The following CLASP1 variants were observed in gnomAD, a reference collection of about 807,000 sequenced individuals.
The protein encoded by CLASP1 is CLIP-associating protein 1.
CLASP1 carries 38 observed loss-of-function variants against 192.3 expected under a neutral mutation model. The observed-to-expected ratio is 0.20, with a 90% CI of 0.15 to 0.26. The LOEUF (loss-of-function observed/expected upper bound fraction) is 0.26, where lower values mean the gene tolerates loss of function less well. CLASP1 is among the 10% of genes least tolerant of loss of function. CLASP1 has a pLI of 1.00. For synonymous variants in CLASP1, 691 were observed against 712.8 expected, an observed-to-expected ratio of 0.97 and a Z score of 0.49; for missense variants, 1,433 against 1,932.5, an observed-to-expected ratio of 0.74 and a Z score of 4.85.
chr2:121,630,165 C>T (rs2069223686), intron 1 of CLASP1, among the ~76,000 whole-genome samples: 1 of 151,694 alleles, frequency 6.6e-6, no homozygotes, highest in African/African-American at 2.4e-5. Context: ...AGCGATCCAC[C>T]CGCCTCCGCC....
At chr2:121,503,386 C>T (rs142735326) in intron 7 of CLASP1, among the ~76,000 whole-genome samples, 152 bp from the exon 8 acceptor site, 30 of 152,300 alleles carry the variant, frequency 2.0e-4, no homozygotes, top group Admixed American at 9.2e-4. Flanking sequence ...CAATCAATAA[C>T]ATTAACAATA....
chr2:121,552,694 C>A (rs189167275), intron 2 of CLASP1, among the ~76,000 whole-genome samples: 120 of 152,264 alleles, frequency 7.9e-4, no homozygotes, highest in Middle Eastern at 3.4e-3. Context: ...AAGTAACAGA[C>A]GCTGGTGAGG....
intron 2 of CLASP1, among the ~76,000 whole-genome samples, chr2:121,595,294 G>A (rs1359609174): frequency 6.6e-6 from 1 of 152,166 alleles, no homozygotes; most frequent in Non-Finnish European, 1.5e-5. Flanking sequence ...AATAATCACA[G>A]GGCTTATCAT....
intron 9 of CLASP1, among the ~76,000 whole-genome samples, chr2:121,465,004 T>C (rs1371148833): frequency 6.6e-6 from 1 of 152,196 alleles, no homozygotes; most frequent in Non-Finnish European, 1.5e-5. Flanking sequence ...AAATTAGGTA[T>C]TGATGGGACG....
chr2:121,585,050 C>A (rs755898507), intron 2 of CLASP1, among the ~76,000 whole-genome samples: 1 of 152,198 alleles, frequency 6.6e-6, no homozygotes, highest in Admixed American at 6.5e-5. Context: ...CTCACGACAA[C>A]CCTATGGATC....
At chr2:121,648,028 T>C (rs186166394) in intron 1 of CLASP1, among the ~76,000 whole-genome samples, 1 of 152,220 alleles carries the variant, frequency 6.6e-6, no homozygotes, top group Non-Finnish European at 1.5e-5. Flanking sequence ...AAAATTTAAA[T>C]TTCTTAACAA....
At chr2:121,605,251 G>A (rs1379850402) in intron 2 of CLASP1, among the ~76,000 whole-genome samples, 1 of 151,828 alleles carries the variant, frequency 6.6e-6, no homozygotes, top group African/African-American at 2.4e-5. Flanking sequence ...CCAGGTACCT[G>A]GGCCAGCTTC....
At chr2:121,617,719 C>T (rs1362766711) in intron 1 of CLASP1, among the ~76,000 whole-genome samples, 1 of 152,190 alleles carries the variant, frequency 6.6e-6, no homozygotes, top group Non-Finnish European at 1.5e-5. Flanking sequence ...GTTGCATCTA[C>T]TAATTCATCT....
chr2:121,422,410 C>T (rs1399747545), intron 22 of CLASP1, among the ~76,000 whole-genome samples: 1 of 152,044 alleles, frequency 6.6e-6, no homozygotes, highest in East Asian at 1.9e-4. Context: ...AGAATGAAAG[C>T]TGCAAAAATG....
chr2:121,373,010 A>C (rs17006400), intron 34 of CLASP1, among the ~76,000 whole-genome samples: 2,639 of 152,338 alleles, frequency 0.017, 84 homozygotes, highest in African/African-American at 0.06. Flanking sequence ...GCTTCAGTTC[A>C]GAGGTGACAT....
At chr2:121,478,832 A>C (rs1575276547) in intron 8 of CLASP1, among the ~76,000 whole-genome samples, 2 of 20,016 alleles carry the variant, frequency 1.0e-4, no homozygotes, top group Admixed American at 5.8e-4. Flanking sequence ...ACCACACACC[A>C]CACACCACAC....
exon 2 of CLASP1, chr2:121,605,905 C>T: frequency 6.2e-7 from 1 of 1,612,188 alleles, no homozygotes; most frequent in Non-Finnish European, 8.5e-7. Flanking sequence ...TAGTGGAATT[C>T]AAATCCAGAT....
intron 8 of CLASP1, among the ~76,000 whole-genome samples, chr2:121,479,604 G>A (rs2092419295): frequency 6.6e-6 from 1 of 152,180 alleles, no homozygotes; most frequent in South Asian, 2.1e-4. Context: ...ATAGAAAAGT[G>A]TAAAAGTGCA....
intron 8 of CLASP1, among the ~76,000 whole-genome samples, chr2:121,474,047 TTC>T (rs1575210179): frequency 6.6e-6 from 1 of 152,176 alleles, no homozygotes; most frequent in East Asian, 1.9e-4. Flanking sequence ...ATATAAGACT[TTC>T]TCCTCATATT....
In CLASP1 at chr2:121,551,564, CAG is replaced by C. The variant is rs1216441736; in HGVS notation, c.196-21241_196-21240del. On this transcript the variant is annotated intron_variant, in intron 2 of 39. Coordinates refer to ENST00000263710, the Ensembl canonical transcript of CLASP1. Reference sequence around the variant, plus strand: ...TTCGTATACACCAGCAACAGGCAAGCAGAGAGTCAAGTCATGAATGAACACCC... The same window carrying C: ...TTCGTATACACCAGCAACAGGCAAGCAGAGTCAAGTCATGAATGAACACCC... Among the ~76,000 whole-genome samples, 13 of 152,232 alleles carry C rather than the reference CAG, an allele frequency of 8.5e-5. No homozygotes were observed. In the Middle Eastern group the frequency reaches 0.01, roughly 119 times the overall value.
At chr2:121,605,236 T>A (rs10188553) in intron 2 of CLASP1, among the ~76,000 whole-genome samples, 68 of 151,474 alleles carry the variant, frequency 4.5e-4, no homozygotes, top group African/African-American at 1.6e-3. Context: ...ACAACCTATT[T>A]CTGTCCAGGT....
chr2:121,501,994 G>C (rs951877546), intron 8 of CLASP1, among the ~76,000 whole-genome samples: 2 of 152,150 alleles, frequency 1.3e-5, no homozygotes, highest in Admixed American at 6.5e-5. Context: ...GAGGTATCCA[G>C]AGTTAGAAAA....
intron 34 of CLASP1, 96 bp downstream of exon 35, chr2:121,377,403 T>C: frequency 2.4e-6 from 2 of 844,600 alleles, no homozygotes; most frequent in Non-Finnish European, 3.6e-6. Flanking sequence ...ATAAAAATAA[T>C]GATGAAGCTC....
chr2:121,493,754 AATC>A (rs972094314), intron 8 of CLASP1, among the ~76,000 whole-genome samples: 25 of 152,126 alleles, frequency 1.6e-4, no homozygotes, highest in African/African-American at 6.0e-4. Flanking sequence ...AGAAAAAAAA[AATC>A]AAATAATTCA....
Sources: gnomAD v4.1 joint callset for allele counts (sites outside exome capture counted in the v4.1 genomes callset) on GRCh38, gnomAD v4.1.1 for gene constraint, MANE v1.5 for transcripts, NCBI Gene and HGNC (gene_info 2026-07-23, HGNC 2026-07-21) for gene names.